The following ST6GALNAC5 variants were observed in gnomAD, a reference collection of about 807,000 sequenced individuals.
ST6GALNAC5 encodes alpha-N-acetylgalactosaminide alpha-2,6-sialyltransferase 5.
A neutral mutation model predicts 33.6 loss-of-function variants in ST6GALNAC5; 27 were observed. The ratio of observed to expected loss-of-function variants is 0.80; its 90% CI spans 0.59 to 1.11. The LOEUF is 1.11. ST6GALNAC5 is among the 50% of genes least tolerant of loss of function. ST6GALNAC5 has a pLI of 0.00. For missense variants in ST6GALNAC5, 428 were observed against 454.0 expected, an observed-to-expected ratio of 0.94 and a Z score of 0.52; for synonymous variants, 194 against 171.2, an observed-to-expected ratio of 1.13 and a Z score of -1.04.
intron 4 of ST6GALNAC5, among the ~76,000 whole-genome samples, chr1:77,051,255 T>C (rs2100470567): frequency 6.6e-6 from 1 of 152,356 alleles, no homozygotes; most frequent in Non-Finnish European, 1.5e-5. Context: ...AAAGCAAAGA[T>C]GAGAAACAGC....
Position 76,868,698 on chromosome 1 carries a change from G to A in ST6GALNAC5, c.217G>A (p.Gly73Arg). The stretch of plus-strand genomic sequence containing the variant: ...CCAGCAGCGCCCCGGGGTCCCCGCG[G>A]GACCGCGGCCACTGGACGGATACCT... ...STQQRPGVPA[G>R]PRPLDGYLGV... is the part of the protein sequence containing the mutation. The change falls in exon 2 of 5, where the codon GGA (glycine) becomes AGA (arginine). Residue 73 changes from glycine to arginine, a missense_variant. Transcript: ENST00000477717. The surrounding 1 kb of genome is among the most constrained non-coding windows in gnomAD (Gnocchi z 4.3). 6.5e-7 allele frequency: 1 copy of A among 1,538,704 alleles called. No individual in the cohort carries two copies. The highest frequency in any genetic ancestry group is 8.7e-7 in the Non-Finnish European group (1 of 1,143,124).
At chr1:76,972,658 T>C (rs1028422467) in intron 2 of ST6GALNAC5, among the ~76,000 whole-genome samples, 1 of 152,160 alleles carries the variant, frequency 6.6e-6, no homozygotes, top group Non-Finnish European at 1.5e-5. Context: ...ATTTTGCACA[T>C]GAGAGTTATT....
intron 2 of ST6GALNAC5, among the ~76,000 whole-genome samples, chr1:76,920,828 C>T (rs1340260727): frequency 6.6e-6 from 1 of 152,058 alleles, no homozygotes; most frequent in Non-Finnish European, 1.5e-5. Context: ...TATGGAAACA[C>T]AAATAATAGA....
intron 2 of ST6GALNAC5, among the ~76,000 whole-genome samples, chr1:76,924,610 G>A (rs891895035): frequency 1.3e-5 from 2 of 152,006 alleles, no homozygotes; most frequent in Admixed American, 1.3e-4. Context: ...GTGTTTCTTT[G>A]TTTCCTCATA....
chr1:76,923,080 T>C (rs1209514492), intron 2 of ST6GALNAC5, among the ~76,000 whole-genome samples: 1 of 152,158 alleles, frequency 6.6e-6, no homozygotes, highest in African/African-American at 2.4e-5. Flanking sequence ...GGGATCCTTA[T>C]GGCAATGAAA....
At chr1:76,982,587 C>T (rs12563595) in intron 2 of ST6GALNAC5, among the ~76,000 whole-genome samples, 52,166 of 152,122 alleles carry the variant, frequency 0.34, 10,929 homozygotes, top group Non-Finnish European at 0.45. Context: ...GGAAAACACT[C>T]TTCAGGATAT....
intron 2 of ST6GALNAC5, among the ~76,000 whole-genome samples, chr1:76,985,157 A>C (rs1102443): frequency 0.86 from 130,653 of 152,190 alleles, 56,366 homozygotes; most frequent in Middle Eastern, 0.94. Context: ...GTTGGAAGTT[A>C]TGGCCAAGGC....
chr1:77,004,655 A>T (rs1650321639), intron 2 of ST6GALNAC5, among the ~76,000 whole-genome samples: 1 of 117,558 alleles, frequency 8.5e-6, no homozygotes, highest in Non-Finnish European at 2.0e-5. Flanking sequence ...ATGGTGATGT[A>T]CAGATGGGTT....
rs143704389 is a variant in ST6GALNAC5, at chr1:77,065,326, ATCTG to A, written c.*2124_*2127del. ...TGCTTCATCTAATAATATCTCACAT[ATCTG>A]TCTATCTTCAGATTTTAGATTTTCT... is the stretch of plus-strand genomic sequence containing the variant. On this transcript the variant is annotated 3_prime_UTR_variant, in exon 5 of 5. Coordinates refer to ENST00000477717, the MANE Select transcript of ST6GALNAC5 (RefSeq NM_030965.3). 4 of 152,282 alleles carry A rather than the reference ATCTG, an allele frequency of 2.6e-5. No homozygotes were observed. The highest frequency in any genetic ancestry group is 1.9e-4 in the East Asian group (1 of 5,184). The allele number at this position is 152,282 out of a possible 1,614,324, so 9.4% of individuals were successfully genotyped here. A position where few individuals can be genotyped will look rare whatever the true frequency, so the allele number is the denominator to read the frequency against.
intron 2 of ST6GALNAC5, among the ~76,000 whole-genome samples, chr1:77,012,345 A>C (rs972981963): frequency 1.3e-5 from 2 of 152,238 alleles, no homozygotes; most frequent in African/African-American, 4.8e-5. Context: ...AGTTGCTGAC[A>C]TGAGTATGGA....
chr1:77,023,182 C>T (rs1570107815), intron 2 of ST6GALNAC5, among the ~76,000 whole-genome samples: 1 of 152,296 alleles, frequency 6.6e-6, no homozygotes, highest in East Asian at 1.9e-4. Flanking sequence ...TGATCTTGGA[C>T]TTCAGCCTCT....
chr1:76,891,989 C>T (rs1308946239), intron 2 of ST6GALNAC5, among the ~76,000 whole-genome samples: 2 of 152,160 alleles, frequency 1.3e-5, no homozygotes, highest in African/African-American at 2.4e-5. Flanking sequence ...TATCACGGGC[C>T]ATGGCAAAGA....
chr1:76,950,915 A>G (rs900114194), intron 2 of ST6GALNAC5, among the ~76,000 whole-genome samples: 8 of 152,086 alleles, frequency 5.3e-5, no homozygotes, highest in African/African-American at 1.9e-4. Context: ...GGTGAAGACG[A>G]GGAATGTGAC....
chr1:76,926,527 G>T (rs920540300), intron 2 of ST6GALNAC5, among the ~76,000 whole-genome samples: 1 of 152,130 alleles, frequency 6.6e-6, no homozygotes, highest in African/African-American at 2.4e-5. Flanking sequence ...TTTAATTGTT[G>T]CAGAGAATTT....
At chr1:76,966,351 T>C (rs1648478338) in intron 2 of ST6GALNAC5, among the ~76,000 whole-genome samples, 2 of 152,178 alleles carry the variant, frequency 1.3e-5, no homozygotes, top group Non-Finnish European at 2.9e-5. Context: ...AGTATTTTAT[T>C]CTCTTTGTAG....
chr1:76,949,679 G>A (rs1276412481), intron 2 of ST6GALNAC5, among the ~76,000 whole-genome samples: 1 of 152,096 alleles, frequency 6.6e-6, no homozygotes, highest in Non-Finnish European at 1.5e-5. Context: ...CAGGGAGGAT[G>A]AATTGGAGCA....
intron 2 of ST6GALNAC5, among the ~76,000 whole-genome samples, chr1:76,957,239 G>A (rs1349087107): frequency 6.6e-6 from 1 of 152,140 alleles, no homozygotes; most frequent in South Asian, 2.1e-4. Context: ...TCCAGGGAAG[G>A]ATCCTTTCCT....
intron 2 of ST6GALNAC5, among the ~76,000 whole-genome samples, chr1:76,986,225 A>C (rs1454265954): frequency 6.6e-6 from 1 of 152,168 alleles, no homozygotes; most frequent in African/African-American, 2.4e-5. Context: ...GAGTGAGCAG[A>C]CAACCTAAAG....
At chr1:76,921,103 A>T (rs1441977578) in intron 2 of ST6GALNAC5, among the ~76,000 whole-genome samples, 1 of 152,168 alleles carries the variant, frequency 6.6e-6, no homozygotes, top group Non-Finnish European at 1.5e-5. Context: ...GACTGGTAGT[A>T]GGAACAAATT....
Sources: allele counts gnomAD v4.1 joint callset (sites outside exome capture counted in the v4.1 genomes callset), GRCh38; gene constraint gnomAD v4.1.1; non-coding constraint Gnocchi (gnomAD v3.1); transcripts MANE v1.5; gene names NCBI Gene and HGNC (gene_info 2026-07-23, HGNC 2026-07-21).